Variants in PCDH15 observed in about 807,000 individuals in gnomAD.
PCDH15 encodes the protein protocadherin related 15, also known as protocadherin-15.
A neutral mutation model predicts 178.5 loss-of-function variants in PCDH15; 129 were observed. That is an observed-to-expected ratio of 0.72 (90% confidence interval 0.63 to 0.84). The LOEUF (loss-of-function observed/expected upper bound fraction) is 0.84, where lower values mean the gene tolerates loss of function less well. Among genes scored for constraint, PCDH15 ranks in the 40% least tolerant of loss-of-function variants. The pLI is 0.00. For missense variants in PCDH15, 2,230 were observed against 2,099.9 expected, an observed-to-expected ratio of 1.06 and a Z score of -1.21; for synonymous variants, 800 against 732.0, an observed-to-expected ratio of 1.09 and a Z score of -1.50.
chr10:54,968,601 T>C (rs1289786925), intron 2 of PCDH15, among the ~76,000 whole-genome samples: 1 of 152,146 alleles, frequency 6.6e-6, no homozygotes, highest in African/African-American at 2.4e-5. Flanking sequence ...TTATGATGTG[T>C]CTTACTGAAG....
intron 3 of PCDH15, among the ~76,000 whole-genome samples, chr10:54,850,632 G>A (rs1024516333): frequency 4.6e-5 from 7 of 152,166 alleles, no homozygotes; most frequent in African/African-American, 1.7e-4. Flanking sequence ...GCAGAAGACT[G>A]ACACCACAAC....
At chr10:53,914,350 A>T (rs1171181767) in intron 25 of PCDH15, among the ~76,000 whole-genome samples, 1 of 152,208 alleles carries the variant, frequency 6.6e-6, no homozygotes, top group Non-Finnish European at 1.5e-5. Flanking sequence ...AATAGCAAAG[A>T]CTTCAAACCC....
intron 3 of PCDH15, among the ~76,000 whole-genome samples, chr10:54,449,547 C>T (rs1414166159): frequency 6.6e-6 from 1 of 151,720 alleles, no homozygotes; most frequent in Non-Finnish European, 1.5e-5. Flanking sequence ...TTCTACCTGA[C>T]TTTATTCACT....
At chr10:54,668,498 T>G (rs2094606572) in intron 1 of PCDH15, among the ~76,000 whole-genome samples, 1 of 152,150 alleles carries the variant, frequency 6.6e-6, no homozygotes, top group African/African-American at 2.4e-5. Flanking sequence ...TATCTACTAT[T>G]CTGAGTACAG....
At chr10:54,347,399 T>C (rs528263196) in intron 5 of PCDH15, among the ~76,000 whole-genome samples, 10 of 152,162 alleles carry the variant, frequency 6.6e-5, no homozygotes, top group Non-Finnish European at 1.0e-4. Flanking sequence ...TTTTGCACTT[T>C]GTTCCTATAA....
chr10:55,495,901 T>TA (rs1435629932), intron 2 of PCDH15, among the ~76,000 whole-genome samples: 1 of 151,892 alleles, frequency 6.6e-6, no homozygotes, highest in Non-Finnish European at 1.5e-5. Context: ...TATTTGTTAA[T>TA]AAAAAATGAA....
intron 18 of PCDH15, among the ~76,000 whole-genome samples, chr10:54,035,742 A>T (rs2093402037): frequency 6.6e-6 from 1 of 151,986 alleles, no homozygotes; most frequent in Non-Finnish European, 1.5e-5. Context: ...CTGATTTGAA[A>T]TTAAAAGCTA....
intron 2 of PCDH15, among the ~76,000 whole-genome samples, chr10:55,448,866 A>C (rs982510308): frequency 2.6e-5 from 4 of 152,030 alleles, no homozygotes; most frequent in Admixed American, 6.6e-5. Flanking sequence ...CATTCTACTG[A>C]GATTAAGAAG....
chr10:55,283,887 G>A (rs1483998978), intron 1 of PCDH15, among the ~76,000 whole-genome samples: 3 of 151,906 alleles, frequency 2.0e-5, no homozygotes, highest in African/African-American at 7.3e-5. Context: ...AAATTAAAAA[G>A]TTGTTATAGC....
intron 2 of PCDH15, among the ~76,000 whole-genome samples, chr10:55,148,353 A>T (rs1838591162): frequency 6.6e-6 from 1 of 151,908 alleles, no homozygotes; most frequent in East Asian, 1.9e-4. Flanking sequence ...GTAACCATAA[A>T]AGTGAGGTAC....
At chr10:54,709,633 C>G (rs1246621801) in intron 1 of PCDH15, among the ~76,000 whole-genome samples, 1 of 117,814 alleles carries the variant, frequency 8.5e-6, no homozygotes, top group African/African-American at 3.0e-5. Context: ...TATATAAAAT[C>G]ACTTTAAAAC....
At chr10:54,035,429 T>C (rs2093393812) in intron 18 of PCDH15, among the ~76,000 whole-genome samples, 1 of 151,930 alleles carries the variant, frequency 6.6e-6, no homozygotes, top group African/African-American at 2.4e-5. Context: ...ACTGGATCTG[T>C]TATGGTGATC....
intron 15 of PCDH15, among the ~76,000 whole-genome samples, chr10:54,104,002 C>A (rs550691944): frequency 1.3e-5 from 2 of 152,276 alleles, no homozygotes; most frequent in South Asian, 2.1e-4. Flanking sequence ...TCTGAACTTA[C>A]CTCTAGGGGC....
intron 2 of PCDH15, among the ~76,000 whole-genome samples, chr10:55,595,317 T>C (rs1842916965): frequency 6.6e-6 from 1 of 152,072 alleles, no homozygotes; most frequent in Non-Finnish European, 1.5e-5. Context: ...ACTTCATCTG[T>C]ATTAACCAGC....
chr10:54,314,600 A>T (rs2061122421), intron 8 of PCDH15, among the ~76,000 whole-genome samples: 1 of 152,084 alleles, frequency 6.6e-6, no homozygotes, highest in Admixed American at 6.6e-5. Context: ...AAGTCGTGTC[A>T]TGGGAGGTTG....
At position 53,809,229 on chromosome 10, in the gene PCDH15, A is replaced by G. The variant is rs751344048; in HGVS notation, c.4671+1327T>C. On this transcript the variant is annotated intron_variant, in intron 37 of 37. Coordinates refer to ENST00000644397, the MANE Select transcript of PCDH15 (RefSeq NM_001384140.1). Reference sequence around the variant, plus strand: ...ACTCAGACTCTTCTTCACTGTATTCAGTATAGTCGCTGGAGGATTCCTCCT... The same window carrying G: ...ACTCAGACTCTTCTTCACTGTATTCGGTATAGTCGCTGGAGGATTCCTCCT... The G allele has an allele frequency of 1.6e-5, 26 of 1,613,750 alleles. 1 individual carries two copies. In the Admixed American group the frequency reaches 3.5e-4, roughly 22 times the overall value.
intron 1 of PCDH15, among the ~76,000 whole-genome samples, chr10:54,785,062 C>A (rs1042284559): frequency 6.6e-6 from 1 of 151,654 alleles, no homozygotes; most frequent in Admixed American, 6.6e-5. Flanking sequence ...GTTCATCTAC[C>A]CGATATGACC....
intron 2 of PCDH15, among the ~76,000 whole-genome samples, chr10:55,335,723 G>T (rs1335622210): frequency 6.6e-6 from 1 of 151,864 alleles, no homozygotes; most frequent in Non-Finnish European, 1.5e-5. Flanking sequence ...TATAAACTAT[G>T]ATTTTTTTTA....
intron 3 of PCDH15, among the ~76,000 whole-genome samples, chr10:54,836,734 G>T (rs970113219): frequency 1.3e-5 from 2 of 151,938 alleles, no homozygotes; most frequent in African/African-American, 4.8e-5. Flanking sequence ...TTGAGATGAA[G>T]AAAAAATTAC....
Sources: allele counts gnomAD v4.1 joint callset (sites outside exome capture counted in the v4.1 genomes callset), GRCh38; gene constraint gnomAD v4.1.1; transcripts MANE v1.5; gene names NCBI Gene and HGNC (gene_info 2026-07-23, HGNC 2026-07-21).